The following SLC35F1 variants were observed in gnomAD, a reference collection of about 807,000 sequenced individuals.
SLC35F1 encodes the protein chromosome 6 open reading frame 169.
In SLC35F1, 14 loss-of-function variants were observed where a neutral mutation model predicts 48.7. The observed-to-expected ratio is 0.29, with a 90% CI of 0.19 to 0.45. SLC35F1 has a LOEUF of 0.45. SLC35F1 is among the 20% of genes least tolerant of loss of function. The pLI is 1.00. For missense variants in SLC35F1, 404 were observed against 500.0 expected, an observed-to-expected ratio of 0.81 and a Z score of 1.83; for synonymous variants, 190 against 202.2, an observed-to-expected ratio of 0.94 and a Z score of 0.51.
intron 1 of SLC35F1, among the ~76,000 whole-genome samples, chr6:117,918,855 G>C (rs985093351): frequency 1.3e-5 from 2 of 151,956 alleles, no homozygotes; most frequent in Non-Finnish European, 2.9e-5. Flanking sequence ...ACTGGGGAGT[G>C]GGGTATGAGA....
At chr6:118,062,453 T>C (rs1772554814) in intron 1 of SLC35F1, among the ~76,000 whole-genome samples, 1 of 152,174 alleles carries the variant, frequency 6.6e-6, no homozygotes, top group South Asian at 2.1e-4. Flanking sequence ...TGCATAATAA[T>C]TACATCATGG....
At chr6:117,930,008 C>A (rs1776079110) in intron 1 of SLC35F1, among the ~76,000 whole-genome samples, 1 of 152,146 alleles carries the variant, frequency 6.6e-6, no homozygotes, top group Non-Finnish European at 1.5e-5. Flanking sequence ...GATACTGAGC[C>A]AGAGACATCT....
intron 1 of SLC35F1, among the ~76,000 whole-genome samples, chr6:118,092,792 G>A (rs953983984): frequency 1.4e-4 from 22 of 152,276 alleles, no homozygotes; most frequent in Admixed American, 1.2e-3. Context: ...CTTGCATAGG[G>A]CCTGTAGCCC....
chr6:118,218,187 T>C (rs1775100373), intron 2 of SLC35F1, among the ~76,000 whole-genome samples: 1 of 152,194 alleles, frequency 6.6e-6, no homozygotes, highest in Non-Finnish European at 1.5e-5. Flanking sequence ...CAATGGTGTC[T>C]AGGTATGGTG....
chr6:118,011,382 G>A (rs1221798734), intron 1 of SLC35F1, among the ~76,000 whole-genome samples: 2 of 152,042 alleles, frequency 1.3e-5, no homozygotes, highest in Non-Finnish European at 2.9e-5. Context: ...CATGGCTGGC[G>A]GGAGAGAGAG....
At chr6:118,138,530 C>T (rs544184486) in intron 1 of SLC35F1, among the ~76,000 whole-genome samples, 109 of 152,152 alleles carry the variant, frequency 7.2e-4, no homozygotes, top group Middle Eastern at 3.4e-3. Context: ...TATCAGCAAC[C>T]GAGTCATTAA....
chr6:118,123,038 T>C (rs1477917992), intron 1 of SLC35F1, among the ~76,000 whole-genome samples: 1 of 152,208 alleles, frequency 6.6e-6, no homozygotes, highest in Non-Finnish European at 1.5e-5. Context: ...AAGATCAGCT[T>C]TCACTTTCAA....
intron 7 of SLC35F1, among the ~76,000 whole-genome samples, chr6:118,308,615 A>G (rs146238049): frequency 9.4e-4 from 143 of 152,352 alleles, no homozygotes; most frequent in Non-Finnish European, 1.6e-3. Context: ...CCAAAGAGTT[A>G]AAAATATGGG....
intron 1 of SLC35F1, among the ~76,000 whole-genome samples, chr6:118,093,130 A>T (rs549094287): frequency 6.6e-6 from 1 of 152,092 alleles, no homozygotes; most frequent in African/African-American, 2.4e-5. Flanking sequence ...AGCCTGGCCA[A>T]TGTGGTGAAA....
At chr6:118,170,614 A>G (rs1164733950) in intron 2 of SLC35F1, among the ~76,000 whole-genome samples, 1 of 151,692 alleles carries the variant, frequency 6.6e-6, no homozygotes, top group Non-Finnish European at 1.5e-5. Context: ...TAATTTTTGT[A>G]TTTTTTTATA....
intron 1 of SLC35F1, among the ~76,000 whole-genome samples, chr6:117,966,414 C>G (rs947202422): frequency 6.6e-6 from 1 of 151,888 alleles, no homozygotes; most frequent in African/African-American, 2.4e-5. Context: ...AGCTTCACTC[C>G]TGAAGACCAC....
At chr6:118,303,061 A>G (rs931565126) in intron 7 of SLC35F1, among the ~76,000 whole-genome samples, 1 of 151,562 alleles carries the variant, frequency 6.6e-6, no homozygotes, top group Non-Finnish European at 1.5e-5. Flanking sequence ...CAAATAACTT[A>G]CTCATCTACT....
chr6:118,286,805 T>TGTGTTTG (rs1562351393), intron 7 of SLC35F1, among the ~76,000 whole-genome samples: 16 of 144,104 alleles, frequency 1.1e-4, no homozygotes, highest in Middle Eastern at 3.6e-3. Flanking sequence ...GTGTGTGTGT[T>TGTGTTTG]TGTGTGTGTG....
intron 1 of SLC35F1, among the ~76,000 whole-genome samples, chr6:118,026,066 G>T (rs1184737447): frequency 1.3e-5 from 2 of 152,142 alleles, no homozygotes; most frequent in Non-Finnish European, 2.9e-5. Context: ...GCCTTTGTCA[G>T]CCTCCAAGCT....
chr6:118,056,041 A>G lies in SLC35F1; in HGVS notation c.174-98404A>G, dbSNP rs921367610. On this transcript the variant is annotated intron_variant, in intron 1 of 7. Transcript: ENST00000360388. ...TACCCTAGGTTTGGGTAATAGGTCT[A>G]TCAACAAGACAGGTCATTTAAAACT... 7.9e-5 allele frequency among the ~76,000 whole-genome samples: 12 copies of G among 152,346 alleles called. No individual in the cohort carries two copies. In the South Asian group the frequency reaches 1.0e-3, roughly 13 times the overall value.
intron 1 of SLC35F1, among the ~76,000 whole-genome samples, chr6:118,024,609 T>C (rs926865096): frequency 6.6e-6 from 1 of 152,172 alleles, no homozygotes; most frequent in Non-Finnish European, 1.5e-5. Flanking sequence ...CAGAGTGAAT[T>C]TCTGTAAATA....
In SLC35F1 at chr6:117,923,670, T is replaced by TATATGTGC. The variant is rs1775950140; in HGVS notation, c.173+15777_173+15778insGCATATGT. Reference sequence around the variant, plus strand: ...ACATATGTACATATGTATATATACATATATGTACATATATACATATGTACA... The same window carrying TATATGTGC: ...ACATATGTACATATGTATATATACATATATGTGCATATGTACATATATACATATGTACA... On this transcript the variant is annotated intron_variant, in intron 1 of 7. Transcript: ENST00000360388. Among the ~76,000 whole-genome samples, 4 of 26,820 alleles carry TATATGTGC rather than the reference T, an allele frequency of 1.5e-4. 1 individual carries two copies. The highest frequency in any genetic ancestry group is 8.8e-4 in the African/African-American group (4 of 4,566). The allele number at this position is 26,820 out of a possible 152,430, so 17.6% of individuals were successfully genotyped here.
chr6:118,218,599 G>T (rs1775105303), intron 2 of SLC35F1, among the ~76,000 whole-genome samples: 1 of 152,112 alleles, frequency 6.6e-6, no homozygotes, highest in Admixed American at 6.6e-5. Flanking sequence ...ACTCCTAATT[G>T]GTAATCCAAA....
chr6:117,919,566 T>C (rs879421032), intron 1 of SLC35F1, among the ~76,000 whole-genome samples: 6 of 152,098 alleles, frequency 3.9e-5, no homozygotes, highest in Non-Finnish European at 7.4e-5. Flanking sequence ...GTCCCTACTC[T>C]GGGGACTGTC....
Sources: allele counts gnomAD v4.1 joint callset (sites outside exome capture counted in the v4.1 genomes callset), GRCh38; gene constraint gnomAD v4.1.1; transcripts MANE v1.5; gene names NCBI Gene and HGNC (gene_info 2026-07-23, HGNC 2026-07-21).